FOXN3: variants seen among roughly 807,000 people sequenced by gnomAD.
FOXN3 encodes the protein forkhead box N3, also known as forkhead box protein N3.
A neutral mutation model predicts 38.4 loss-of-function variants in FOXN3; 7 were observed. That is an observed-to-expected ratio of 0.18 (90% CI 0.10 to 0.34). The LOEUF is 0.34. FOXN3 is among the 10% of genes least tolerant of loss of function. The pLI, the probability that FOXN3 is intolerant of heterozygous loss-of-function variation, is 1.00. For missense variants in FOXN3, 456 were observed against 613.4 expected (o/e 0.74, Z 2.71); for synonymous variants, 230 against 242.2 (o/e 0.95, Z 0.47).
At chr14:89,469,560 T>C (rs1039473777) in intron 1 of FOXN3, among the ~76,000 whole-genome samples, 8 of 152,274 alleles carry the variant, frequency 5.3e-5, no homozygotes, top group African/African-American at 1.7e-4. Flanking sequence ...GCTTTCGTTT[T>C]CTTTCTCCAC....
At chr14:89,351,789 G>C (rs1176508440) in intron 2 of FOXN3, among the ~76,000 whole-genome samples, 1 of 152,142 alleles carries the variant, frequency 6.6e-6, no homozygotes, top group Non-Finnish European at 1.5e-5. Flanking sequence ...CCAACAGTAA[G>C]ATTGATGTTG....
At chr14:89,590,741 CGA>C (rs1266446837) in intron 1 of FOXN3, among the ~76,000 whole-genome samples, 4 of 152,156 alleles carry the variant, frequency 2.6e-5, no homozygotes, top group Non-Finnish European at 4.4e-5. Flanking sequence ...CCCCTCTCCC[CGA>C]GAGTCAGCCG....
chr14:89,464,032 C>T (rs927865659), intron 1 of FOXN3, among the ~76,000 whole-genome samples: 15 of 150,862 alleles, frequency 9.9e-5, no homozygotes, highest in African/African-American at 3.7e-4. Flanking sequence ...GATCCACATG[C>T]CTCGACCCCC....
chr14:89,172,771 T>G (rs752043973), intron 5 of FOXN3, among the ~76,000 whole-genome samples: 4 of 152,216 alleles, frequency 2.6e-5, no homozygotes, highest in Non-Finnish European at 5.9e-5. Context: ...GGCTACTTAA[T>G]AAGTGATGCT....
At chr14:89,597,055 G>A (rs1283742623) in intron 1 of FOXN3, among the ~76,000 whole-genome samples, 1 of 151,942 alleles carries the variant, frequency 6.6e-6, no homozygotes, top group African/African-American at 2.4e-5. Flanking sequence ...TTAATGCTTA[G>A]GTTATTTTTA....
chr14:89,324,357 T>C (rs1174880545), intron 3 of FOXN3, among the ~76,000 whole-genome samples: 1 of 152,032 alleles, frequency 6.6e-6, no homozygotes, highest in Non-Finnish European at 1.5e-5. Flanking sequence ...GCTTTTGAAA[T>C]ATTGATCACT....
chr14:89,532,595 T>A (rs887981394), intron 1 of FOXN3, among the ~76,000 whole-genome samples: 2 of 152,214 alleles, frequency 1.3e-5, no homozygotes, highest in African/African-American at 2.4e-5. Context: ...AGAAAAACAC[T>A]GCACAGCCAC....
chr14:89,315,198 TCTC>T (rs1270797434), intron 3 of FOXN3, among the ~76,000 whole-genome samples: 7 of 151,978 alleles, frequency 4.6e-5, no homozygotes, highest in Non-Finnish European at 7.4e-5. Flanking sequence ...TTTTATTCCT[TCTC>T]CTACTCATTC....
At chr14:89,225,333 A>G (rs1884601645) in intron 4 of FOXN3, among the ~76,000 whole-genome samples, 1 of 150,512 alleles carries the variant, frequency 6.6e-6, no homozygotes. Context: ...AGCCGGGCAC[A>G]GTGGCTCATG....
At chr14:89,268,956 G>C (rs139799158) in intron 4 of FOXN3, among the ~76,000 whole-genome samples, 1 of 152,138 alleles carries the variant, frequency 6.6e-6, no homozygotes, top group Non-Finnish European at 1.5e-5. Flanking sequence ...GCAAAACACA[G>C]AGACAAAAGT....
rs537632128 is a variant in FOXN3, at chr14:89,377,982, G to C, written c.544-27174C>G. 5.3e-5 allele frequency among the ~76,000 whole-genome samples: 8 copies of C among 152,352 alleles called. No homozygotes were observed. In the South Asian group the frequency reaches 1.2e-3, roughly 24 times the overall value. ...GGCGGCCGTCTGCAAGCCAAGAAGA[G>C]AGGCCTGCAAGAAACCAACCCTGCT... On this transcript the variant is annotated intron_variant, in intron 2 of 5. Coordinates refer to ENST00000557258, the MANE Select transcript of FOXN3 (RefSeq NM_005197.4).
intron 1 of FOXN3, among the ~76,000 whole-genome samples, chr14:89,540,765 C>T (rs1254906422): frequency 1.3e-5 from 2 of 148,218 alleles, no homozygotes; most frequent in African/African-American, 2.5e-5. Flanking sequence ...GGAAAATGAA[C>T]GAGTTATATG....
chr14:89,354,173 A>C (rs1323519436), intron 2 of FOXN3, among the ~76,000 whole-genome samples: 2 of 152,042 alleles, frequency 1.3e-5, no homozygotes. Context: ...TCTTAGAAAA[A>C]TATCTGCATC....
rs1887089113 is a variant in FOXN3 at position 89,161,166 on chromosome 14, A to G, written c.*1248T>C. ...TTTTTTTCTTCAAAGGAATCCATGC[A>G]TTGTGGATCAGAAATTTCTGCTGGC... On this transcript the variant is annotated 3_prime_UTR_variant, in exon 6 of 6. Coordinates refer to ENST00000557258, the MANE Select transcript of FOXN3 (RefSeq NM_005197.4). 6.6e-6 allele frequency: 1 copy of G among 152,382 alleles called. No individual in the cohort carries two copies. The highest frequency in any genetic ancestry group is 1.5e-5 in the Non-Finnish European group (1 of 68,002). 9.4% of individuals were successfully genotyped at this position (152,382 alleles called of 1,614,324 possible).
At chr14:89,283,874 G>GT (rs1303593763) in intron 3 of FOXN3, among the ~76,000 whole-genome samples, 3 of 152,022 alleles carry the variant, frequency 2.0e-5, no homozygotes, top group Non-Finnish European at 4.4e-5. Flanking sequence ...TTTTTGGGGG[G>GT]TTTTTTGACA....
At chr14:89,418,243 C>T (rs1223206272), upstream of FOXN3, among the ~76,000 whole-genome samples, 7 of 152,164 alleles carry the variant, frequency 4.6e-5, no homozygotes, top group Admixed American at 6.5e-5. Context: ...CCACCCCCTC[C>T]TGAGCCAGTG....
chr14:89,310,288 G>A (rs1265943182), intron 3 of FOXN3, among the ~76,000 whole-genome samples: 4 of 152,286 alleles, frequency 2.6e-5, no homozygotes, highest in Middle Eastern at 3.4e-3. Flanking sequence ...AGGGGGTCGG[G>A]CAGCCATCCT....
chr14:89,363,659 G>A (rs961165496), intron 2 of FOXN3, among the ~76,000 whole-genome samples: 1 of 152,234 alleles, frequency 6.6e-6, no homozygotes, highest in Non-Finnish European at 1.5e-5. Flanking sequence ...GGGAAAGGCA[G>A]TTAATCCACT....
chr14:89,533,665 A>C (rs1894624022), intron 1 of FOXN3, among the ~76,000 whole-genome samples: 1 of 9,260 alleles, frequency 1.1e-4, no homozygotes, highest in Non-Finnish European at 2.2e-4. Context: ...CTGTCTCAAA[A>C]AAAAAAAAAA....
Sources: allele counts gnomAD v4.1 joint callset (sites outside exome capture counted in the v4.1 genomes callset), GRCh38; gene constraint gnomAD v4.1.1; transcripts MANE v1.5; gene names NCBI Gene and HGNC (gene_info 2026-07-23, HGNC 2026-07-21).